The following MLLT10 variants were observed in gnomAD, a reference collection of about 807,000 sequenced individuals.
The protein encoded by MLLT10 is MLLT10 histone lysine methyltransferase DOT1L cofactor, also known as protein AF-10.
Under a neutral mutation model 129.1 loss-of-function variants are expected in MLLT10, and 30 were observed. That is an observed-to-expected ratio of 0.23 (90% CI 0.17 to 0.32). The LOEUF (loss-of-function observed/expected upper bound fraction) is 0.32. Ranked by LOEUF, MLLT10 falls within the 10% of genes least tolerant of loss-of-function variation. The probability of loss-of-function intolerance (pLI) is 1.00; values close to 1 mark genes in which losing one functional copy is unlikely to be tolerated. For synonymous variants in MLLT10, 490 were observed against 446.4 expected (o/e 1.10, Z -1.23); for missense variants, 1,119 against 1,268.3 (o/e 0.88, Z 1.79).
intron 8 of MLLT10, among the ~76,000 whole-genome samples, chr10:21,642,939 C>G (rs994149769): frequency 1.3e-5 from 2 of 152,164 alleles, no homozygotes; most frequent in African/African-American, 4.8e-5. Flanking sequence ...TTACATGTGT[C>G]AGATTTTATA....
At chr10:21,736,163 G>A (rs1042879754) in intron 21 of MLLT10, among the ~76,000 whole-genome samples, 1 of 152,056 alleles carries the variant, frequency 6.6e-6, no homozygotes, top group African/African-American at 2.4e-5. Context: ...TAGTCTGTGT[G>A]TGTTATAGGG....
At chr10:21,549,859 A>G (rs1460923557) in intron 3 of MLLT10, among the ~76,000 whole-genome samples, 2 of 151,252 alleles carry the variant, frequency 1.3e-5, no homozygotes, top group Admixed American at 6.6e-5. Context: ...GGCTGGTCTC[A>G]AACTCCTGAC....
chr10:21,663,408 C>T (rs2050415988), intron 9 of MLLT10, among the ~76,000 whole-genome samples: 2 of 151,046 alleles, frequency 1.3e-5, no homozygotes, highest in African/African-American at 4.9e-5. Context: ...CGGAGTTTCA[C>T]TCCTGTTGCC....
intron 3 of MLLT10, among the ~76,000 whole-genome samples, chr10:21,564,870 CTGT>C (rs1244902272): frequency 2.0e-5 from 3 of 150,450 alleles, no homozygotes; most frequent in South Asian, 2.1e-4. Flanking sequence ...GTGGAATGTT[CTGT>C]TGTTCTGTAA....
intron 3 of MLLT10, among the ~76,000 whole-genome samples, chr10:21,583,511 AG>A (rs1258619006): frequency 1.3e-5 from 2 of 152,178 alleles, no homozygotes; most frequent in African/African-American, 4.8e-5. Context: ...GAAACTGGGT[AG>A]ATTATTAATA....
intron 10 of MLLT10, 116 bp from the exon 11 acceptor site, chr10:21,673,234 A>G: frequency 1.7e-6 from 1 of 600,348 alleles, no homozygotes. Flanking sequence ...TAATTTTTTT[A>G]AACTCTTCTC....
At chr10:21,562,182 T>C (rs1199842644) in intron 3 of MLLT10, among the ~76,000 whole-genome samples, 1 of 152,160 alleles carries the variant, frequency 6.6e-6, no homozygotes, top group African/African-American at 2.4e-5. Context: ...TATTCTTCCT[T>C]TTCAAGATTG....
intron 13 of MLLT10, among the ~76,000 whole-genome samples, chr10:21,688,967 CAT>C (rs763938364): frequency 1.3e-5 from 2 of 152,240 alleles, no homozygotes; most frequent in East Asian, 3.9e-4. Flanking sequence ...TCAGAGAGAA[CAT>C]GTGTATTCTG....
At position 21,562,818 on chromosome 10, in the gene MLLT10, GTTTTTTTTTT is replaced by G. The variant is rs1163404490; in HGVS notation, c.241-23465_241-23456del. Among the ~76,000 whole-genome samples the G allele has an allele frequency of 6.4e-4, 53 of 82,594 alleles. No homozygotes were observed. The South Asian group carries it at 0.021, about 33-fold the overall frequency. The allele number at this position is 82,594 out of a possible 152,430, so 54.2% of individuals were successfully genotyped here. ...GACTTACATATACTTTGTTTTTTTT[GTTTTTTTTTT>G]TTTTTTTTTTGAGACAGTTTCACTC... On this transcript the variant is annotated intron_variant, in intron 3 of 22. Transcript: ENST00000307729.
chr10:21,722,542 TG>T, intron 14 of MLLT10, among the ~76,000 whole-genome samples: 1 of 152,342 alleles, frequency 6.6e-6, no homozygotes, highest in South Asian at 2.1e-4. Flanking sequence ...CTTATTTCTT[TG>T]GGTTAACATG....
intron 17 of MLLT10, 39 bp downstream of exon 17, chr10:21,731,093 GGGCAGATGGACAAACA>G (rs761925280): frequency 9.6e-6 from 15 of 1,559,978 alleles, no homozygotes; most frequent in South Asian, 1.2e-5. Flanking sequence ...CAAGACAGAT[GGGCAGATGGACAAACA>G]GGCAGATGGA....
intron 3 of MLLT10, among the ~76,000 whole-genome samples, chr10:21,563,982 T>G (rs1191145549): frequency 1.3e-5 from 2 of 152,000 alleles, no homozygotes; most frequent in Non-Finnish European, 2.9e-5. Flanking sequence ...CTGGCTAATT[T>G]TTTGTATTTT....
At chr10:21,664,946 T>C (rs2050607318) in intron 9 of MLLT10, among the ~76,000 whole-genome samples, 2 of 83,514 alleles carry the variant, frequency 2.4e-5, no homozygotes, top group Admixed American at 2.2e-4. Context: ...TTTCTTTTCT[T>C]TTTTTTTTTT....
chr10:21,645,969 C>A (rs1392474340), intron 8 of MLLT10, among the ~76,000 whole-genome samples: 1 of 152,142 alleles, frequency 6.6e-6, no homozygotes, highest in Non-Finnish European at 1.5e-5. Flanking sequence ...CTTTGGGAGG[C>A]CGAGGCAGGC....
At chr10:21,677,182 A>G (rs2052257403) in intron 11 of MLLT10, among the ~76,000 whole-genome samples, 2 of 152,228 alleles carry the variant, frequency 1.3e-5, no homozygotes, top group Admixed American at 6.5e-5. Flanking sequence ...CACTAGTGTA[A>G]TGTCAGTCAT....
At chr10:21,720,781 A>T (rs550978644) in intron 14 of MLLT10, among the ~76,000 whole-genome samples, 1 of 152,344 alleles carries the variant, frequency 6.6e-6, no homozygotes, top group South Asian at 2.1e-4. Context: ...GGAAAAATAG[A>T]AACCACAATA....
chr10:21,626,290 G>A lies in MLLT10; in HGVS notation c.699+9083G>A, dbSNP rs974997914. The A allele has an allele frequency of 3.0e-6, 4 of 1,324,304 alleles. No individual in the cohort carries two copies. In the African/African-American group the frequency reaches 5.8e-5, roughly 19 times the overall value. 82.0% of individuals were successfully genotyped at this position (1,324,304 alleles called of 1,614,324 possible). A position where few individuals can be genotyped will look rare whatever the true frequency, so the allele number is the denominator to read the frequency against. On this transcript the variant is annotated intron_variant, in intron 8 of 22. Coordinates refer to ENST00000307729, the MANE Select transcript of MLLT10 (RefSeq NM_001195626.3). ...GATCGATACAAGCTATCAATCCAGG[G>A]CAGAGCAGGGGCTGGTGGCTGGGCC...
intron 16 of MLLT10, 96 bp downstream of exon 16, chr10:21,728,024 C>A: frequency 3.3e-6 from 3 of 900,166 alleles, no homozygotes; most frequent in South Asian, 1.7e-5. Context: ...ATTTGTGAGG[C>A]TATAAAAGCA....
intron 8 of MLLT10, among the ~76,000 whole-genome samples, chr10:21,651,039 G>GTTGTGTTGTT (rs1234890229): frequency 6.7e-6 from 1 of 148,430 alleles, no homozygotes; most frequent in East Asian, 2.0e-4. Flanking sequence ...TGGTGGTTGT[G>GTTGTGTTGTT]TTGTTTTGTT....
Sources: allele counts gnomAD v4.1 joint callset (sites outside exome capture counted in the v4.1 genomes callset), GRCh38; gene constraint gnomAD v4.1.1; transcripts MANE v1.5; gene names NCBI Gene and HGNC (gene_info 2026-07-23, HGNC 2026-07-21).